Variants in PCDH15 observed in about 807,000 individuals in gnomAD.
PCDH15 encodes protocadherin-15.
Under a neutral mutation model 178.5 loss-of-function variants are expected in PCDH15, and 129 were observed. That is an observed-to-expected ratio of 0.72 (90% CI 0.63 to 0.84). The LOEUF (loss-of-function observed/expected upper bound fraction) is 0.84. Ranked by LOEUF, PCDH15 falls within the 40% of genes least tolerant of loss-of-function variation. The pLI, the probability that PCDH15 is intolerant of heterozygous loss-of-function variation, is 0.00. For missense variants in PCDH15, 2,230 were observed against 2,099.9 expected, an observed-to-expected ratio of 1.06 and a Z score of -1.21; for synonymous variants, 800 against 732.0, an observed-to-expected ratio of 1.09 and a Z score of -1.50.
At chr10:54,008,170 A>T (rs1472254258) in intron 20 of PCDH15, among the ~76,000 whole-genome samples, 1 of 152,228 alleles carries the variant, frequency 6.6e-6, no homozygotes, top group East Asian at 1.9e-4. Flanking sequence ...GGAATAAAAA[A>T]GTGGTATTAC....
chr10:54,988,288 G>C (rs1000733757), intron 2 of PCDH15, among the ~76,000 whole-genome samples: 1 of 152,112 alleles, frequency 6.6e-6, no homozygotes, highest in African/African-American at 2.4e-5. Flanking sequence ...TTGTAGTATA[G>C]TTTGAAGTCA....
intron 2 of PCDH15, among the ~76,000 whole-genome samples, chr10:54,551,904 A>G (rs1239777961): frequency 6.6e-6 from 1 of 152,150 alleles, no homozygotes; most frequent in Non-Finnish European, 1.5e-5. Context: ...TCATATTTAT[A>G]AACACATATT....
At chr10:54,138,340 T>C (rs2043075746) in intron 14 of PCDH15, among the ~76,000 whole-genome samples, 1 of 152,080 alleles carries the variant, frequency 6.6e-6, no homozygotes, top group Non-Finnish European at 1.5e-5. Flanking sequence ...GGAATTTTTC[T>C]TTGTGGGTTG....
rs73253826 is a variant in PCDH15, at chr10:55,308,641, A to T, written c.-156+10958T>A. Among the ~76,000 whole-genome samples, 851 of 152,316 alleles carry T rather than the reference A, an allele frequency of 5.6e-3. 7 individuals are homozygous for T. The highest frequency in any genetic ancestry group is 0.02 in the African/African-American group (811 of 41,562). ...AGAACTTCAAATATACTTATATCTTAGGTGCCTCATTGTCCCTGTCCTCCC... is the reference window on the plus strand; with the variant it reads ...AGAACTTCAAATATACTTATATCTTTGGTGCCTCATTGTCCCTGTCCTCCC... On this transcript the variant is annotated intron_variant, in intron 1 of 5. Coordinates refer to the PCDH15 transcript ENST00000458638.
At position 55,069,382 on chromosome 10, in the gene PCDH15, T is replaced by A. The variant is rs375955143; in HGVS notation, c.-80+97194A>T. On this transcript the variant is annotated intron_variant, in intron 2 of 5. Transcript: ENST00000458638. ...ATGCTGGTGTGCTGCACCCATTAACTCGTCATTTAGCATTAGGTGTATCTC... is the reference window on the plus strand; with the variant it reads ...ATGCTGGTGTGCTGCACCCATTAACACGTCATTTAGCATTAGGTGTATCTC... Among the ~76,000 whole-genome samples the A allele has an allele frequency of 5.4e-5, 8 of 147,672 alleles. No individual in the cohort carries two copies. The East Asian group carries it at 1.6e-3, about 30-fold the overall frequency.
At chr10:54,526,036 G>A (rs1589894202) in intron 3 of PCDH15, among the ~76,000 whole-genome samples, 1 of 152,300 alleles carries the variant, frequency 6.6e-6, no homozygotes, top group East Asian at 1.9e-4. Context: ...AATATGCCAA[G>A]TAAGGAGCAC....
At chr10:54,012,351 G>A (rs922321850) in intron 20 of PCDH15, among the ~76,000 whole-genome samples, 2 of 152,062 alleles carry the variant, frequency 1.3e-5, no homozygotes, top group African/African-American at 4.8e-5. Flanking sequence ...GAAAAAGCAG[G>A]CAACTTGGAA....
At chr10:54,403,774 A>T (rs766835272) in intron 3 of PCDH15, among the ~76,000 whole-genome samples, 25 of 151,932 alleles carry the variant, frequency 1.6e-4, no homozygotes, top group South Asian at 4.2e-4. Context: ...TACAAAAATC[A>T]CTAGCACTCC....
intron 3 of PCDH15, among the ~76,000 whole-genome samples, chr10:54,844,260 G>T (rs927773184): frequency 2.0e-5 from 3 of 152,014 alleles, no homozygotes; most frequent in Non-Finnish European, 4.4e-5. Flanking sequence ...GTGTGTTAGT[G>T]AGGGGAGAGA....
intron 2 of PCDH15, among the ~76,000 whole-genome samples, chr10:54,572,156 A>G (rs915156367): frequency 1.3e-5 from 2 of 152,188 alleles, no homozygotes; most frequent in Non-Finnish European, 2.9e-5. Context: ...ACCTGCCTAC[A>G]TGACATATAT....
At position 54,153,146 on chromosome 10, in the gene PCDH15, CG is replaced by C. The variant is rs1564545579; in HGVS notation, c.1737del (p.Tyr579Ter). 6.2e-7 allele frequency: 1 copy of C among 1,613,862 alleles called. No homozygotes were observed. The highest frequency in any genetic ancestry group is 2.2e-5 in the East Asian group (1 of 44,858). On this transcript the variant is annotated frameshift_variant, in exon 14 of 38. Coordinates refer to ENST00000644397, the MANE Select transcript of PCDH15 (RefSeq NM_001384140.1). LOFTEE classifies it high-confidence loss of function. ...TTATCCGCTGCTTGGACCGTGAGTG[CG>C]TAAGTCCGCCCGACTATCATTTCCA... ...PGVEMIVGRT[Y>X]ALTVQAADNA... is the part of the protein sequence containing the mutation.
At chr10:53,816,470 G>T (rs1417029212) in intron 34 of PCDH15, among the ~76,000 whole-genome samples, 193 bp from the exon 35 acceptor site, 2 of 152,166 alleles carry the variant, frequency 1.3e-5, no homozygotes, top group South Asian at 2.1e-4. Context: ...CATAAAATAA[G>T]AATTCATTTG....
intron 2 of PCDH15, among the ~76,000 whole-genome samples, chr10:54,913,237 G>A (rs968169387): frequency 1.3e-5 from 2 of 152,128 alleles, no homozygotes; most frequent in East Asian, 3.9e-4. Flanking sequence ...CCCATCACAG[G>A]CCCTGAGGTT....
intron 1 of PCDH15, among the ~76,000 whole-genome samples, chr10:55,183,507 G>A (rs1340247709): frequency 6.6e-6 from 1 of 151,822 alleles, no homozygotes; most frequent in African/African-American, 2.4e-5. Flanking sequence ...CTATACAGGA[G>A]GATTGCTTGA....
chr10:53,902,656 T>C (rs539921175), intron 26 of PCDH15, among the ~76,000 whole-genome samples: 4 of 152,082 alleles, frequency 2.6e-5, no homozygotes, highest in Non-Finnish European at 5.9e-5. Flanking sequence ...TAATTAGTAA[T>C]AAACATTTGA....
chr10:55,432,528 A>G (rs1838908020), intron 2 of PCDH15, among the ~76,000 whole-genome samples: 1 of 152,194 alleles, frequency 6.6e-6, no homozygotes, highest in Non-Finnish European at 1.5e-5. Flanking sequence ...TCCAGGTAAG[A>G]GAACAATAGT....
Position 53,956,073 on chromosome 10 carries a change from A to C in PCDH15, c.3122+3659T>G, listed in dbSNP as rs531353562. On this transcript the variant is annotated intron_variant, in intron 23 of 37. Transcript: ENST00000644397. Reference sequence around the variant, plus strand: ...ATTCATATTTTGCAATATGAATGAGAATGACTTTTAAATATGATTAATTAA... The same window carrying C: ...ATTCATATTTTGCAATATGAATGAGCATGACTTTTAAATATGATTAATTAA... Among the ~76,000 whole-genome samples, 3 of 152,294 alleles carry C rather than the reference A, an allele frequency of 2.0e-5. No homozygotes were observed. The East Asian group carries it at 5.8e-4, about 29-fold the overall frequency.
intron 10 of PCDH15, among the ~76,000 whole-genome samples, chr10:54,207,747 A>G (rs1591175044): frequency 6.6e-6 from 1 of 152,064 alleles, no homozygotes; most frequent in Non-Finnish European, 1.5e-5. Context: ...ATCCAAGTGT[A>G]TCACTTTATC....
intron 3 of PCDH15, among the ~76,000 whole-genome samples, chr10:54,432,949 G>A (rs1440301075): frequency 6.6e-6 from 1 of 151,978 alleles, no homozygotes; most frequent in Non-Finnish European, 1.5e-5. Flanking sequence ...CATACAAATA[G>A]CAAACGGGAA....
Sources: allele counts gnomAD v4.1 joint callset (sites outside exome capture counted in the v4.1 genomes callset), GRCh38; gene constraint gnomAD v4.1.1; transcripts MANE v1.5; gene names NCBI Gene and HGNC (gene_info 2026-07-23, HGNC 2026-07-21).